Variants in ENOX1 observed in about 807,000 individuals in gnomAD.
The protein encoded by ENOX1 is candidate growth-related and time keeping constitutive hydroquinone (NADH) oxidase.
In ENOX1, 42 loss-of-function variants were observed where a neutral mutation model predicts 82.5. That is an observed-to-expected ratio of 0.51 (90% CI 0.40 to 0.66). The LOEUF is 0.66. Among genes scored for constraint, ENOX1 ranks in the 30% least tolerant of loss-of-function variants. ENOX1 has a pLI of 0.00. For missense variants in ENOX1, 608 were observed against 811.6 expected (o/e 0.75, Z 3.05); for synonymous variants, 271 against 282.2 (o/e 0.96, Z 0.40).
At chr13:43,385,007 T>C (rs569447652) in intron 5 of ENOX1, among the ~76,000 whole-genome samples, 7 of 152,024 alleles carry the variant, frequency 4.6e-5, no homozygotes, top group Non-Finnish European at 1.0e-4. Context: ...GAAAAAAAAG[T>C]GTGTGGTATG....
intron 2 of ENOX1, among the ~76,000 whole-genome samples, chr13:43,550,180 T>C (rs1353089492): frequency 6.6e-6 from 1 of 152,206 alleles, no homozygotes; most frequent in Non-Finnish European, 1.5e-5. Flanking sequence ...CCTCCTGCTG[T>C]GCAGCCTTGT....
chr13:43,313,788 C>T (rs2047338537), intron 11 of ENOX1, among the ~76,000 whole-genome samples: 1 of 152,192 alleles, frequency 6.6e-6, no homozygotes, highest in South Asian at 2.1e-4. Flanking sequence ...ATTATATAGT[C>T]TAAACCATGG....
chr13:43,625,110 G>A (rs2082908256), intron 2 of ENOX1, among the ~76,000 whole-genome samples: 1 of 151,918 alleles, frequency 6.6e-6, no homozygotes, highest in African/African-American at 2.4e-5. Context: ...TTATGCCTAA[G>A]TAACTCTTTT....
At chr13:43,722,791 A>G (rs937621781) in intron 1 of ENOX1, among the ~76,000 whole-genome samples, 1 of 152,230 alleles carries the variant, frequency 6.6e-6, no homozygotes, top group Admixed American at 6.5e-5. Context: ...CACTGAATTC[A>G]AAGTCAATAT....
intron 1 of ENOX1, among the ~76,000 whole-genome samples, chr13:43,782,882 C>T (rs1334374249): frequency 6.6e-6 from 1 of 152,146 alleles, no homozygotes; most frequent in Non-Finnish European, 1.5e-5. Context: ...AGATAGATGA[C>T]TCATCTTCCA....
intron 2 of ENOX1, among the ~76,000 whole-genome samples, chr13:43,541,737 G>A (rs1179838689): frequency 2.0e-5 from 3 of 152,032 alleles, no homozygotes; most frequent in South Asian, 4.2e-4. Flanking sequence ...CTCGAGTACC[G>A]CTGCTTTCAA....
intron 2 of ENOX1, among the ~76,000 whole-genome samples, chr13:43,665,077 C>T (rs187694633): frequency 9.5e-4 from 145 of 152,288 alleles, no homozygotes; most frequent in African/African-American, 3.4e-3. Context: ...AATCTCTAGA[C>T]ACTGGTCTGC....
At chr13:43,738,722 T>TA (rs1173689737) in intron 1 of ENOX1, among the ~76,000 whole-genome samples, 13 of 27,686 alleles carry the variant, frequency 4.7e-4, no homozygotes, top group African/African-American at 7.3e-4. Context: ...ATATATAGAT[T>TA]TTTTTGTTCC....
At chr13:43,384,007 C>T (rs754166141) in intron 5 of ENOX1, among the ~76,000 whole-genome samples, 9 of 152,174 alleles carry the variant, frequency 5.9e-5, no homozygotes, top group African/African-American at 1.7e-4. Context: ...GCAGTGAAGC[C>T]GGACTGCCTG....
At chr13:43,770,787 T>G (rs1436995913) in intron 1 of ENOX1, among the ~76,000 whole-genome samples, 3 of 152,044 alleles carry the variant, frequency 2.0e-5, no homozygotes, top group Admixed American at 2.0e-4. Flanking sequence ...CTGAGTAATT[T>G]TACTTTCTTT....
chr13:43,571,547 G>A (rs908688209), intron 2 of ENOX1, among the ~76,000 whole-genome samples: 2 of 151,666 alleles, frequency 1.3e-5, no homozygotes, highest in South Asian at 2.1e-4. Flanking sequence ...AAAATTAGCC[G>A]GGCGTGGTAG....
At chr13:43,777,527 A>C (rs1951985999) in intron 1 of ENOX1, among the ~76,000 whole-genome samples, 1 of 149,526 alleles carries the variant, frequency 6.7e-6, no homozygotes, top group Admixed American at 6.7e-5. Context: ...ATATCACAGG[A>C]TCTCTCTGTA....
chr13:43,643,971 C>A, intron 2 of ENOX1, among the ~76,000 whole-genome samples: 1 of 152,118 alleles, frequency 6.6e-6, no homozygotes, highest in East Asian at 1.9e-4. Flanking sequence ...TATCGCAAAG[C>A]TTTTAAGTTG....
chr13:43,436,582 A>C (rs1433395764), intron 3 of ENOX1, among the ~76,000 whole-genome samples: 3 of 152,224 alleles, frequency 2.0e-5, no homozygotes, highest in African/African-American at 7.2e-5. Context: ...TTCATGGCAG[A>C]GAAGAGTTAT....
chr13:43,710,445 G>C (rs776144007), intron 1 of ENOX1, among the ~76,000 whole-genome samples: 2 of 152,104 alleles, frequency 1.3e-5, no homozygotes, highest in Non-Finnish European at 2.9e-5. Context: ...CTAAGAATGA[G>C]GGTAACTTCC....
intron 1 of ENOX1, among the ~76,000 whole-genome samples, chr13:43,748,713 G>C (rs1037120684): frequency 6.6e-6 from 1 of 151,952 alleles, no homozygotes; most frequent in Non-Finnish European, 1.5e-5. Flanking sequence ...CTAAATAATG[G>C]ATACAAAGTA....
intron 1 of ENOX1, among the ~76,000 whole-genome samples, chr13:43,779,939 G>T (rs539137746): frequency 6.6e-6 from 1 of 152,212 alleles, no homozygotes; most frequent in Non-Finnish European, 1.5e-5. Flanking sequence ...GGCAGATCAC[G>T]AAGTCAGGAG....
In ENOX1 at chr13:43,475,482, G is replaced by A. The variant is rs566280388; in HGVS notation, c.-75+8527C>T. ...ATACAACAAAAATGAAGATTAAGGAGAGGGAAATCCTATAAACTCAACTTT... is the reference window on the plus strand; with the variant it reads ...ATACAACAAAAATGAAGATTAAGGAAAGGGAAATCCTATAAACTCAACTTT... On this transcript the variant is annotated intron_variant, in intron 3 of 16. Coordinates refer to ENST00000690772, the MANE Select transcript of ENOX1 (RefSeq NM_001347969.2). Among the ~76,000 whole-genome samples the A allele has an allele frequency of 4.6e-5, 7 of 152,232 alleles. No individual in the cohort carries two copies. In the East Asian group the frequency reaches 1.4e-3, roughly 29 times the overall value.
intron 3 of ENOX1, among the ~76,000 whole-genome samples, chr13:43,432,968 T>C (rs1354965140): frequency 1.3e-5 from 2 of 152,102 alleles, no homozygotes; most frequent in East Asian, 1.9e-4. Flanking sequence ...GGTGTCAACG[T>C]AGGCTTATCA....
Sources: gnomAD v4.1 joint callset for allele counts (sites outside exome capture counted in the v4.1 genomes callset) on GRCh38, gnomAD v4.1.1 for gene constraint, MANE v1.5 for transcripts, NCBI Gene and HGNC (gene_info 2026-07-23, HGNC 2026-07-21) for gene names.